Variants in ZNF837 observed in about 807,000 individuals in gnomAD.
ZNF837 encodes the protein zinc finger protein 837.
For missense variants in ZNF837, 955 were observed against 801.7 expected, an observed-to-expected ratio of 1.19 and a Z score of -2.31; for synonymous variants, 475 against 365.2, an observed-to-expected ratio of 1.30 and a Z score of -3.43.
chr19:58,374,358 A>G (rs897358574), intron 1 of ZNF837, among the ~76,000 whole-genome samples: 2 of 152,248 alleles, frequency 1.3e-5, no homozygotes, highest in African/African-American at 4.8e-5. Flanking sequence ...TTCAGCCATA[A>G]AAATGGATGA....
rs1462560857 is a variant in ZNF837 at position 58,368,510 on chromosome 19, C to G, written c.823G>C (p.Glu275Gln). 1 of 1,547,998 alleles carries G rather than the reference C, an allele frequency of 6.5e-7. No homozygotes were observed. The highest frequency in any genetic ancestry group is 1.4e-5 in the African/African-American group (1 of 73,122). Residue 275 changes from glutamate (E) to glutamine (Q), a missense_variant, in exon 3 of 3, where the codon GAG (glutamate) becomes CAG (glutamine). By Grantham distance (29) the Glu-to-Gln change is conservative. Transcript: ENST00000597582. ...PPAQRLYACD[E>Q]CGKAFTRTSS... The stretch of plus-strand genomic sequence containing the variant: ...GTGCGCGTGAAGGCCTTGCCGCACT[C>G]GTCGCAAGCGTACAGTCGCTGGGCC...
chr19:58,376,554 CAAAAAAAAAAAAAAAAAAAAAAAAAAA>C (rs59075587), intron 1 of ZNF837, among the ~76,000 whole-genome samples: 1 of 67,768 alleles, frequency 1.5e-5, no homozygotes. Context: ...GACTCTGTCT[CAAAAAAAAAAAAAAAAAAAAAAAAAAA>C]AAAAAAAAAA....
rs556313561 is a variant in ZNF837 at position 58,369,464 on chromosome 19, G to GC, written c.-29-104dup. 5.0e-6 allele frequency: 5 copies of GC among 1,006,240 alleles called. No individual in the cohort carries two copies. The South Asian group carries it at 1.1e-4, about 21-fold the overall frequency. The allele number at this position is 1,006,240 out of a possible 1,614,324, so 62.3% of individuals were successfully genotyped here. A position where few individuals can be genotyped will look rare whatever the true frequency, so the allele number is the denominator to read the frequency against. ...CCCCACAGCTGGCACCTACTGGGCG[G>GC]CCCCCAGCTCTCTGCAGATGCGAAA... On this transcript the variant is annotated intron_variant, in intron 2 of 2. Transcript: ENST00000597582.
At chr19:58,375,427 T>G (rs2052237103) in intron 1 of ZNF837, among the ~76,000 whole-genome samples, 1 of 150,392 alleles carries the variant, frequency 6.6e-6, no homozygotes, top group Non-Finnish European at 1.5e-5. Context: ...TTACATGATT[T>G]ATATATTTTT....
rs748848038 is a variant in ZNF837, at chr19:58,367,930, A to AGGCGCTCGTGCT, written c.1391_1402dup (p.Gln464_Arg467dup). On this transcript the variant is annotated inframe_insertion, in exon 3 of 3. Coordinates refer to ENST00000597582, the MANE Select transcript of ZNF837 (RefSeq NM_138466.2). ...GATGTAGGGCTTCTCGCCCGAGTGC[A>AGGCGCTCGTGCT]GGCGCTCGTGCTGGCGCAGCTCGGA... 85 of 1,533,998 alleles carry AGGCGCTCGTGCT rather than the reference A, an allele frequency of 5.5e-5. 2 individuals are homozygous for AGGCGCTCGTGCT. In the South Asian group the frequency reaches 7.3e-4, roughly 13 times the overall value.
In ZNF837 at chr19:58,367,874, T is replaced by TG; in HGVS notation, c.1458dup (p.Asn487GlnfsTer76). On this transcript the variant is annotated frameshift_variant, in exon 3 of 3. Transcript: ENST00000597582. LOFTEE classifies it low-confidence loss of function (END_TRUNC). ...CGCAGGTGGCGCACCAGGCTGCAGT[T>TG]GCGCACGAAGGCCTTGCCGCAGTCG... 1.3e-6 allele frequency: 2 copies of TG among 1,534,606 alleles called. No individual in the cohort carries two copies. The highest frequency in any genetic ancestry group is 1.7e-6 in the Non-Finnish European group (2 of 1,144,048).
intron 1 of ZNF837, among the ~76,000 whole-genome samples, chr19:58,375,229 C>T (rs2052231699): frequency 8.3e-6 from 1 of 121,042 alleles, no homozygotes; most frequent in South Asian, 2.8e-4. Flanking sequence ...GTACTCCAGC[C>T]TGGGCAACAG....
At chr19:58,372,667 G>A (rs2052212468) in intron 1 of ZNF837, among the ~76,000 whole-genome samples, 1 of 152,230 alleles carries the variant, frequency 6.6e-6, no homozygotes, top group South Asian at 2.1e-4. Context: ...GCGACTGGCT[G>A]CAGTTCTCCA....
chr19:58,371,484 C>T (rs1485218206), intron 1 of ZNF837, among the ~76,000 whole-genome samples: 1 of 152,178 alleles, frequency 6.6e-6, no homozygotes, highest in Non-Finnish European at 1.5e-5. Context: ...GTGATAAGTG[C>T]ACAATCCTCC....
intron 1 of ZNF837, among the ~76,000 whole-genome samples, chr19:58,371,027 G>A (rs2052196790): frequency 6.6e-6 from 1 of 152,058 alleles, no homozygotes; most frequent in African/African-American, 2.4e-5. Flanking sequence ...AGATCACGAG[G>A]TCAGGAGATC....
At chr19:58,371,157 T>C (rs1430321141) in intron 1 of ZNF837, among the ~76,000 whole-genome samples, 23 of 146,348 alleles carry the variant, frequency 1.6e-4, no homozygotes, top group Non-Finnish European at 3.4e-4. Context: ...AGGAGACTGG[T>C]GTGAACCCGG....
At position 58,368,030 on chromosome 19, in the gene ZNF837, C is replaced by T. The variant is rs778517026; in HGVS notation, c.1303G>A (p.Val435Met). The T allele has an allele frequency of 2.0e-5, 30 of 1,534,866 alleles. 1 individual carries two copies. In the South Asian group the frequency reaches 3.5e-4, roughly 18 times the overall value. Residue 435 changes from valine to methionine, a missense_variant, in exon 3 of 3, where the codon GTG becomes ATG. Coordinates refer to ENST00000597582, the MANE Select transcript of ZNF837 (RefSeq NM_138466.2). ...EKAFKGRSGL[V>M]QHQRAHTGER... ...CCGGTGTGCGCGCGCTGGTGTTGCA[C>T]CAGGCCCGAGCGGCCCTTGAAGGCC...
chr19:58,368,503 C>T lies in ZNF837; in HGVS notation c.830G>A (p.Gly277Asp), dbSNP rs1271038154. Reference protein sequence around the residue: ...AQRLYACDECGKAFTRTSSLL... With the variant: ...AQRLYACDECDKAFTRTSSLL... ...GCTGGAGGTGCGCGTGAAGGCCTTG[C>T]CGCACTCGTCGCAAGCGTACAGTCG... The change falls in exon 3 of 3, where the codon GGC (glycine) becomes GAC (aspartate). Residue 277 changes from glycine (G) to aspartate (D), a missense_variant. By Grantham distance (94) the Gly-to-Asp change is moderately conservative. Transcript: ENST00000597582. The T allele has an allele frequency of 6.4e-7, 1 of 1,551,694 alleles. No homozygotes were observed. Among genetic ancestry groups the T allele is most frequent in the East Asian group, 2.4e-5 (1 of 41,162 alleles).
At position 58,368,038 on chromosome 19, in the gene ZNF837, G is replaced by A. The variant is rs1260448227; in HGVS notation, c.1295C>T (p.Ser432Leu). ...CGCGCGCTGGTGTTGCACCAGGCCC[G>A]AGCGGCCCTTGAAGGCCTTTTCGCA... Reference protein sequence around the residue: ...PLCEKAFKGRSGLVQHQRAHT... With the variant: ...PLCEKAFKGRLGLVQHQRAHT... The change falls in exon 3 of 3, where the codon TCG (serine) becomes TTG (leucine). Residue 432 changes from serine (S) to leucine (L), a missense_variant. Transcript: ENST00000597582. 1.3e-6 allele frequency: 2 copies of A among 1,537,688 alleles called. No homozygotes were observed. The highest frequency in any genetic ancestry group is 1.7e-6 in the Non-Finnish European group (2 of 1,146,144).
intron 1 of ZNF837, among the ~76,000 whole-genome samples, chr19:58,371,324 C>T (rs1280393414): frequency 1.3e-5 from 2 of 151,766 alleles, no homozygotes; most frequent in Admixed American, 6.6e-5. Context: ...AGGAGAATCA[C>T]TTGAACCTGT....
rs569923844 is a variant in ZNF837 at position 58,368,715 on chromosome 19, A to G, written c.618T>C (p.Phe206=). The change falls in exon 3 of 3, where the codon TTT becomes TTC. Residue 206 remains phenylalanine, a synonymous_variant. Transcript: ENST00000597582. ...GGGGGATCCGCAGGGCCCTCCACGCAAAGGCCTCGCCGCACGCGCAAGCCC... is the reference window on the plus strand; with the variant it reads ...GGGGGATCCGCAGGGCCCTCCACGCGAAGGCCTCGCCGCACGCGCAAGCCC... ...QPRACACGEA[F]AWRALRIPQE... 1.1e-3 allele frequency: 1,630 copies of G among 1,535,240 alleles called. 13 individuals carry two copies. In the African/African-American group the frequency reaches 0.02, roughly 19 times the overall value.
intron 1 of ZNF837, among the ~76,000 whole-genome samples, chr19:58,373,675 A>G (rs2052219310): frequency 1.3e-5 from 2 of 152,178 alleles, no homozygotes; most frequent in Admixed American, 6.5e-5. Flanking sequence ...ATATGGGCAC[A>G]TGGGGAGGCA....
In ZNF837 at chr19:58,368,848, TCA is replaced by T. The variant is rs1240221870; in HGVS notation, c.483_484del (p.Cys161Ter). The T allele has an allele frequency of 6.5e-7, 1 of 1,547,280 alleles. No individual in the cohort carries two copies. Among genetic ancestry groups the T allele is most frequent in the Non-Finnish European group, 8.7e-7 (1 of 1,146,696 alleles). On this transcript the variant is annotated stop_gained and frameshift_variant, in exon 3 of 3. Coordinates refer to ENST00000597582, the MANE Select transcript of ZNF837 (RefSeq NM_138466.2). LOFTEE classifies it low-confidence loss of function (END_TRUNC). ...GCACGGCCAACAGTCCGTGTGGACC[TCA>T]CACAGTTGAGTCCGGGGGTGGTTCT...
rs1444959276 is a variant in ZNF837 at position 58,367,887 on chromosome 19, C to T, written c.1446G>A (p.Lys482=). ...CCAGGCTGCAGTTGCGCACGAAGGCCTTGCCGCAGTCGCGGCAGATGTAGG... is the reference window on the plus strand; with the variant it reads ...CCAGGCTGCAGTTGCGCACGAAGGCTTTGCCGCAGTCGCGGCAGATGTAGG... The part of the protein sequence containing the change: ...EKPYICRDCG[K]AFVRNCSLVR... The change falls in exon 3 of 3, where the codon AAG becomes AAA. Residue 482 remains lysine, a synonymous_variant. Coordinates refer to ENST00000597582, the MANE Select transcript of ZNF837 (RefSeq NM_138466.2). 1 of 1,535,570 alleles carries T rather than the reference C, an allele frequency of 6.5e-7. No homozygotes were observed. The highest frequency in any genetic ancestry group is 8.7e-7 in the Non-Finnish European group (1 of 1,144,286).
Sources: gnomAD v4.1 joint callset for allele counts (sites outside exome capture counted in the v4.1 genomes callset) on GRCh38, gnomAD v4.1.1 for gene constraint, MANE v1.5 for transcripts, NCBI Gene and HGNC (gene_info 2026-07-23, HGNC 2026-07-21) for gene names.